CACNA1C: variants seen among roughly 807,000 people sequenced by gnomAD.
CACNA1C encodes the protein calcium voltage-gated channel subunit alpha1 C, also known as voltage-dependent L-type calcium channel subunit alpha-1C.
Under a neutral mutation model 229.0 loss-of-function variants are expected in CACNA1C, and 30 were observed. That is an observed-to-expected ratio of 0.13 (90% CI 0.10 to 0.18). The LOEUF is 0.18. Among genes scored for constraint, CACNA1C ranks in the 10% least tolerant of loss-of-function variants. CACNA1C has a pLI of 1.00. For missense variants in CACNA1C, 1,658 were observed against 2,845.0 expected, an observed-to-expected ratio of 0.58 and a Z score of 9.49; for synonymous variants, 1,114 against 1,132.5, an observed-to-expected ratio of 0.98 and a Z score of 0.33.
intron 1 of CACNA1C, among the ~76,000 whole-genome samples, chr12:2,030,012 C>A (rs2047967301): frequency 6.6e-6 from 1 of 152,224 alleles, no homozygotes; most frequent in Non-Finnish European, 1.5e-5. Flanking sequence ...TTATCAGCAC[C>A]TTTGCTGTCA....
intron 29 of CACNA1C, among the ~76,000 whole-genome samples, chr12:2,628,269 C>T (rs561597452): frequency 3.7e-4 from 57 of 152,328 alleles, no homozygotes; most frequent in African/African-American, 1.3e-3. Context: ...GGGCCCCTGC[C>T]ACCACCCCTC....
intron 1 of CACNA1C, among the ~76,000 whole-genome samples, chr12:1,979,396 C>T (rs2035450781): frequency 6.6e-6 from 1 of 152,160 alleles, no homozygotes; most frequent in African/African-American, 2.4e-5. Context: ...CTCACTACAA[C>T]CTCCACCTTC....
chr12:2,351,392 A>G (rs2097198324), intron 3 of CACNA1C, among the ~76,000 whole-genome samples: 1 of 152,100 alleles, frequency 6.6e-6, no homozygotes, highest in Admixed American at 6.5e-5. Context: ...AAGCAAAACC[A>G]TCTCCCTTCA....
chr12:2,581,885 C>A, intron 14 of CACNA1C, 88 bp downstream of exon 14: 2 of 788,622 alleles, frequency 2.5e-6, no homozygotes, highest in Admixed American at 2.1e-5. Context: ...ACCCTTTTAC[C>A]GGGCAGCCAC....
chr12:2,667,246 C>G (rs531965262), intron 37 of CACNA1C, among the ~76,000 whole-genome samples: 4 of 96,678 alleles, frequency 4.1e-5, no homozygotes, highest in Non-Finnish European at 7.2e-5. Flanking sequence ...AAAAAAGTGT[C>G]GTTTCCTTTT....
At position 2,308,815 on chromosome 12, in the gene CACNA1C, C is replaced by T. The variant is rs2370417; in HGVS notation, c.478-140161C>T. On this transcript the variant is annotated intron_variant, in intron 3 of 46. Transcript: ENST00000399655. The stretch of plus-strand genomic sequence containing the variant: ...CAAAACCCCACACCTGTCAGAATGG[C>T]TATCAAAAAGACAAGCAATGACAAG... 6.5e-3 allele frequency among the ~76,000 whole-genome samples: 983 copies of T among 152,222 alleles called. 8 individuals carry two copies. The highest frequency in any genetic ancestry group is 0.022 in the African/African-American group (930 of 41,524).
At chr12:1,972,015 G>A (rs1052291611) in intron 1 of CACNA1C, among the ~76,000 whole-genome samples, 3 of 152,186 alleles carry the variant, frequency 2.0e-5, no homozygotes, top group African/African-American at 7.2e-5. Flanking sequence ...AATTTAAATA[G>A]GCAGGACATC....
intron 34 of CACNA1C, among the ~76,000 whole-genome samples, chr12:2,655,965 A>G (rs533042953): frequency 1.3e-5 from 2 of 152,356 alleles, no homozygotes; most frequent in African/African-American, 4.8e-5. Flanking sequence ...AAGGCCACGT[A>G]TGACAAGGCC....
chr12:2,064,705 G>A (rs924113065), intron 1 of CACNA1C, among the ~76,000 whole-genome samples: 3 of 152,224 alleles, frequency 2.0e-5, no homozygotes, highest in African/African-American at 4.8e-5. Flanking sequence ...ACAGCAGCAC[G>A]TGGTAGGCTC....
At chr12:2,110,867 G>A (rs1222995616) in intron 1 of CACNA1C, among the ~76,000 whole-genome samples, 2 of 152,068 alleles carry the variant, frequency 1.3e-5, no homozygotes, top group African/African-American at 2.4e-5. Flanking sequence ...GGGATCTACC[G>A]CAGTGGGTGG....
chr12:2,247,800 G>C (rs998623794), intron 3 of CACNA1C, among the ~76,000 whole-genome samples: 1 of 151,902 alleles, frequency 6.6e-6, no homozygotes, highest in African/African-American at 2.4e-5. Context: ...ACTTAGTCTC[G>C]TTCTCACCTG....
At chr12:2,271,937 A>G (rs888032386) in intron 3 of CACNA1C, among the ~76,000 whole-genome samples, 1 of 152,132 alleles carries the variant, frequency 6.6e-6, no homozygotes, top group African/African-American at 2.4e-5. Context: ...ACAGTGCTTA[A>G]TGCATGCCAT....
intron 1 of CACNA1C, among the ~76,000 whole-genome samples, chr12:1,974,142 T>C (rs1284429041): frequency 6.6e-6 from 1 of 152,192 alleles, no homozygotes; most frequent in Non-Finnish European, 1.5e-5. Flanking sequence ...CTTGCTGAGT[T>C]GAAATGAAAT....
chr12:2,198,027 G>A lies in CACNA1C; in HGVS notation c.477+77597G>A, dbSNP rs373291282. Among the ~76,000 whole-genome samples the A allele has an allele frequency of 6.2e-4, 95 of 152,254 alleles. 1 individual carries two copies. The highest frequency in any genetic ancestry group is 2.1e-3 in the African/African-American group (88 of 41,544). ...CTAAATGCATTTTTACTACCGGAAG[G>A]CCCCCGTATGGAAATCACCTTCTCT... On this transcript the variant is annotated intron_variant, in intron 3 of 46. Transcript: ENST00000399655.
intron 4 of CACNA1C, among the ~76,000 whole-genome samples, chr12:2,452,501 A>G (rs1259071036): frequency 6.6e-6 from 1 of 152,054 alleles, no homozygotes; most frequent in African/African-American, 2.4e-5. Context: ...TAAAAGCTCC[A>G]CTGCCGGACT....
intron 3 of CACNA1C, among the ~76,000 whole-genome samples, chr12:2,257,081 G>T (rs1354525790): frequency 1.3e-5 from 2 of 152,162 alleles, no homozygotes; most frequent in African/African-American, 4.8e-5. Flanking sequence ...GTCTTCGTTG[G>T]TGGCTTTCCA....
Position 2,677,881 on chromosome 12 carries a change from T to C in CACNA1C, c.5091+14T>C, listed in dbSNP as rs2153791607. On this transcript the variant is annotated intron_variant, in intron 41 of 46. Coordinates refer to ENST00000399655, the MANE Select transcript of CACNA1C (RefSeq NM_000719.7). The surrounding 1 kb of genome is among the most constrained non-coding windows in gnomAD (Gnocchi z 7.4). The stretch of plus-strand genomic sequence containing the variant: ...GACATCTTCAGGGTGGGTGGTGCCA[T>C]GGCGCACTCTCGACCCCTATAAAGT... The C allele has an allele frequency of 6.2e-7, 1 of 1,613,820 alleles. No homozygotes were observed. Among genetic ancestry groups the C allele is most frequent in the Admixed American group, 1.7e-5 (1 of 60,024 alleles).
chr12:2,102,319 A>C (rs967147864), intron 1 of CACNA1C, among the ~76,000 whole-genome samples: 1 of 152,236 alleles, frequency 6.6e-6, no homozygotes, highest in Admixed American at 6.5e-5. Flanking sequence ...TTGAGGCCAC[A>C]GTGCTGTTTC....
intron 13 of CACNA1C, among the ~76,000 whole-genome samples, chr12:2,576,520 T>G (rs2058450775): frequency 6.6e-6 from 1 of 152,212 alleles, no homozygotes; most frequent in South Asian, 2.1e-4. Context: ...CTTTTTGGTG[T>G]GTGAGCGTGT....
Sources: allele counts gnomAD v4.1 joint callset (sites outside exome capture counted in the v4.1 genomes callset), GRCh38; gene constraint gnomAD v4.1.1; non-coding constraint Gnocchi (gnomAD v3.1); transcripts MANE v1.5; gene names NCBI Gene and HGNC (gene_info 2026-07-23, HGNC 2026-07-21).